Variants in TTC1 observed in about 807,000 individuals in gnomAD.
TTC1 encodes the protein tetratricopeptide repeat domain 1.
Under a neutral mutation model 37.6 loss-of-function variants are expected in TTC1, and 31 were observed. That is an observed-to-expected ratio of 0.82 (90% CI 0.62 to 1.11). The LOEUF (loss-of-function observed/expected upper bound fraction) is 1.11, where lower values mean the gene tolerates loss of function less well. TTC1 is among the 50% of genes most tolerant of loss of function. The pLI, the probability that TTC1 is intolerant of heterozygous loss-of-function variation, is 0.00. For missense variants in TTC1, 351 were observed against 339.0 expected (o/e 1.04, Z -0.28); for synonymous variants, 127 against 122.4 (o/e 1.04, Z -0.25).
chr5:160,041,975 G>T (rs376528186), intron 4 of TTC1, among the ~76,000 whole-genome samples: 4 of 151,960 alleles, frequency 2.6e-5, no homozygotes, highest in South Asian at 2.1e-4. Flanking sequence ...TGTTGCCCAG[G>T]CTTGAGTGCA....
chr5:160,049,434 T>C, intron 5 of TTC1, 80 bp from the exon 6 acceptor site: 1 of 1,272,674 alleles, frequency 7.9e-7, no homozygotes, highest in Non-Finnish European at 1.1e-6. Context: ...TGGAGGATGA[T>C]TGATGAAGGA....
rs1033118010 is a variant in TTC1 at position 160,009,162 on chromosome 5, A to G, written c.-61A>G. The G allele has an allele frequency of 6.6e-5, 10 of 152,362 alleles. No individual in the cohort carries two copies. In the South Asian group the frequency reaches 1.7e-3, roughly 25 times the overall value. The allele number at this position is 152,362 out of a possible 1,614,324, so 9.4% of individuals were successfully genotyped here. A position where few individuals can be genotyped will look rare whatever the true frequency, so the allele number is the denominator to read the frequency against. Reference sequence around the variant, plus strand: ...GCGGAAGTAGGAGCTCTCAGAGGCTAAGAAGGTGGAGACCGGAGAAGCTGT... The same window carrying G: ...GCGGAAGTAGGAGCTCTCAGAGGCTGAGAAGGTGGAGACCGGAGAAGCTGT... On this transcript the variant is annotated 5_prime_UTR_variant, in exon 1 of 8. Transcript: ENST00000231238.
chr5:160,036,555 C>T lies in TTC1; in HGVS notation c.392-136C>T. On this transcript the variant is annotated intron_variant, in intron 3 of 7. Transcript: ENST00000231238. ...AAGAAATGATTTTTACTGCGCCAGA[C>T]TTAATAGACTGTTACCATCTTTTAA... 6.4e-6 allele frequency: 4 copies of T among 629,052 alleles called. No homozygotes were observed. The South Asian group carries it at 7.6e-5, about 12-fold the overall frequency. 39.0% of individuals were successfully genotyped at this position (629,052 alleles called of 1,614,324 possible).
chr5:160,061,183 C>T (rs1038666156), intron 7 of TTC1, among the ~76,000 whole-genome samples: 34 of 152,206 alleles, frequency 2.2e-4, no homozygotes, highest in Admixed American at 1.6e-3. Context: ...CATTGGCTCA[C>T]GCTGTTTGGG....
chr5:160,061,528 AATCT>A (rs1446037794), intron 7 of TTC1, among the ~76,000 whole-genome samples: 1 of 152,226 alleles, frequency 6.6e-6, no homozygotes, highest in Non-Finnish European at 1.5e-5. Context: ...TGGTTGAATT[AATCT>A]ATGTCAGGTG....
chr5:160,065,064 A>T lies in TTC1; in HGVS notation c.878A>T (p.Ter293LeuextTer3). 1 of 1,608,318 alleles carries T rather than the reference A, an allele frequency of 6.2e-7. No individual in the cohort carries two copies. The highest frequency in any genetic ancestry group is 8.5e-7 in the Non-Finnish European group (1 of 1,178,834). ...NFVQNPNNNR[*>L] The stretch of plus-strand genomic sequence containing the variant: ...GTTCAAAATCCAAATAATAACAGAT[A>T]ACAAAGATAACAAAAGCTTTACAAG... Residue 293 changes from the stop codon to leucine, a stop_lost, in exon 8 of 8, where the codon TAA becomes TTA. Transcript: ENST00000231238.
intron 2 of TTC1, among the ~76,000 whole-genome samples, chr5:160,018,422 G>A (rs888592564): frequency 6.6e-6 from 1 of 152,200 alleles, no homozygotes; most frequent in Non-Finnish European, 1.5e-5. Flanking sequence ...TTAGGGGAGG[G>A]TGGCACTGGG....
rs1448637003 is a variant in TTC1, at chr5:160,049,573, A to G, written c.601A>G (p.Lys201Glu). Residue 201 changes from lysine (K) to glutamate (E), a missense_variant, in exon 6 of 8, where the codon AAG becomes GAG. Coordinates refer to ENST00000231238, the MANE Select transcript of TTC1 (RefSeq NM_003314.3). ...AILRRAELYE[K>E]TDKLDEALED... The stretch of plus-strand genomic sequence containing the variant: ...ATTGAGGAGAGCAGAGTTGTATGAG[A>G]AGACGGACAAGCTAGATGAAGCCCT... 22 of 1,611,710 alleles carry G rather than the reference A, an allele frequency of 1.4e-5. No homozygotes were observed. The highest frequency in any genetic ancestry group is 1.8e-5 in the Non-Finnish European group (21 of 1,179,132).
chr5:160,034,949 C>T (rs1756977434), intron 2 of TTC1, among the ~76,000 whole-genome samples, 191 bp from the exon 3 acceptor site: 1 of 152,132 alleles, frequency 6.6e-6, no homozygotes, highest in African/African-American at 2.4e-5. Flanking sequence ...ATCAAGAATG[C>T]AATTGATAAT....
chr5:160,046,804 G>T (rs1387722066), intron 5 of TTC1, among the ~76,000 whole-genome samples: 1 of 152,194 alleles, frequency 6.6e-6, no homozygotes, highest in Non-Finnish European at 1.5e-5. Flanking sequence ...ATGAGGTCAG[G>T]AGTTTGAGAC....
At position 160,009,865 on chromosome 5, in the gene TTC1, C is replaced by G. The variant is rs187423365; in HGVS notation, c.-29-635C>G. Among the ~76,000 whole-genome samples, 102 of 152,188 alleles carry G rather than the reference C, an allele frequency of 6.7e-4. 1 individual carries two copies. The highest frequency in any genetic ancestry group is 1.2e-3 in the Non-Finnish European group (84 of 68,016). On this transcript the variant is annotated intron_variant, in intron 1 of 7. Transcript: ENST00000231238. ...GGTTAAAGTGATCACAATTTTGGCA[C>G]GGATTTTATTTTGAAGTCTACTAGA...
chr5:160,054,672 G>C (rs1413678872), intron 7 of TTC1, among the ~76,000 whole-genome samples: 1 of 151,900 alleles, frequency 6.6e-6, no homozygotes, highest in African/African-American at 2.4e-5. Context: ...AAAAAAAGTA[G>C]CGTTTTATAT....
chr5:160,019,046 A>T lies in TTC1; in HGVS notation c.330+8188A>T, dbSNP rs1043733527. ...AACTTATCCAGGTTCTGGTGATTTAATTCTTTCCTGCAAACAAACATTTTT... is the reference window on the plus strand; with the variant it reads ...AACTTATCCAGGTTCTGGTGATTTATTTCTTTCCTGCAAACAAACATTTTT... On this transcript the variant is annotated intron_variant, in intron 2 of 7. Coordinates refer to ENST00000231238, the MANE Select transcript of TTC1 (RefSeq NM_003314.3). 2.0e-5 allele frequency among the ~76,000 whole-genome samples: 3 copies of T among 152,206 alleles called. No individual in the cohort carries two copies. The East Asian group carries it at 5.8e-4, about 29-fold the overall frequency.
chr5:160,041,795 T>G (rs1235405964), intron 4 of TTC1, among the ~76,000 whole-genome samples: 1 of 152,226 alleles, frequency 6.6e-6, no homozygotes, highest in Non-Finnish European at 1.5e-5. Flanking sequence ...TATCATTGAT[T>G]GAAACGTCAT....
rs1202139318 is a variant in TTC1, at chr5:160,045,520, A to ACACACACT, written c.541+2352_541+2353insACACACTC. Among the ~76,000 whole-genome samples, 45 of 54,880 alleles carry ACACACACT rather than the reference A, an allele frequency of 8.2e-4. 1 individual carries two copies. The highest frequency in any genetic ancestry group is 1.1e-3 in the Non-Finnish European group (34 of 30,662). 36.0% of individuals were successfully genotyped at this position (54,880 alleles called of 152,430 possible). A position where few individuals can be genotyped will look rare whatever the true frequency, so the allele number is the denominator to read the frequency against. On this transcript the variant is annotated intron_variant, in intron 5 of 7. Coordinates refer to ENST00000231238, the MANE Select transcript of TTC1 (RefSeq NM_003314.3). ...CACACACACACACACACACATACAC[A>ACACACACT]CTCTCTCTCTCTCTCTCTCTCTCTC...
intron 7 of TTC1, among the ~76,000 whole-genome samples, chr5:160,053,258 G>GA (rs1371258364): frequency 1.3e-5 from 2 of 152,228 alleles, no homozygotes; most frequent in Non-Finnish European, 2.9e-5. Context: ...CTGTTAAAAT[G>GA]ATGGCTTCTA....
At chr5:160,043,043 C>A in intron 4 of TTC1, 90 bp from the exon 5 acceptor site, 3 of 1,288,108 alleles carry the variant, frequency 2.3e-6, no homozygotes, top group Non-Finnish European at 3.3e-6. Flanking sequence ...TCTCCATAAG[C>A]AGTTATTAGT....
rs1384483218 is a variant in TTC1, at chr5:160,036,713, T to TA, written c.414_415insA (p.Tyr139IlefsTer2). 6.2e-7 allele frequency: 1 copy of TA among 1,613,692 alleles called. No individual in the cohort carries two copies. On this transcript the variant is annotated frameshift_variant, in exon 4 of 8. Transcript: ENST00000231238. LOFTEE classifies it high-confidence loss of function. Reference sequence around the variant, plus strand: ...CAGATTATATAGAAGCTGAAAGTTCTTATAGTCGAGCCCTCGAAATGTGCC... The same window carrying TA: ...CAGATTATATAGAAGCTGAAAGTTCTATATAGTCGAGCCCTCGAAATGTGCC...
rs376721474 is a variant in TTC1, at chr5:160,037,561, C to T, written c.504+758C>T. ...TCAAACCCCATCTCTACTAAAAATA[C>T]AAAAATTAGCCAGGCATGGTGGTGG... is the stretch of plus-strand genomic sequence containing the variant. On this transcript the variant is annotated intron_variant, in intron 4 of 7. Coordinates refer to ENST00000231238, the MANE Select transcript of TTC1 (RefSeq NM_003314.3). 2.3e-4 allele frequency among the ~76,000 whole-genome samples: 35 copies of T among 152,170 alleles called. 1 individual carries two copies. The East Asian group carries it at 6.6e-3, about 29-fold the overall frequency.
Sources: gnomAD v4.1 joint callset for allele counts (sites outside exome capture counted in the v4.1 genomes callset) on GRCh38, gnomAD v4.1.1 for gene constraint, MANE v1.5 for transcripts, NCBI Gene and HGNC (gene_info 2026-07-23, HGNC 2026-07-21) for gene names.